Variants in IL1RAPL1 observed in about 807,000 individuals in gnomAD.
IL1RAPL1 encodes the protein interleukin-1 receptor accessory protein-like 1.
A neutral mutation model predicts 48.4 loss-of-function variants in IL1RAPL1; 3 were observed. The ratio of observed to expected loss-of-function variants is 0.06; its 90% CI spans 0.03 to 0.16. The LOEUF (loss-of-function observed/expected upper bound fraction) is 0.16. IL1RAPL1 is among the 10% of genes least tolerant of loss of function. The pLI, the probability that IL1RAPL1 is intolerant of heterozygous loss-of-function variation, is 1.00. For missense variants in IL1RAPL1, 349 were observed against 530.6 expected (o/e 0.66, Z 3.36); for synonymous variants, 185 against 187.7 (o/e 0.99, Z 0.12).
intron 6 of IL1RAPL1, among the ~76,000 whole-genome samples, chrX:29,829,785 G>A (rs1395136418): frequency 8.9e-6 from 1 of 111,908 alleles, no homozygotes; most frequent in African/African-American, 3.2e-5. Flanking sequence ...GAAAAATTTT[G>A]ATTGATAGTG....
At chrX:28,920,510 T>TGCA (rs1273131170) in intron 2 of IL1RAPL1, among the ~76,000 whole-genome samples, 1 of 111,624 alleles carries the variant, frequency 9.0e-6, no homozygotes, top group Non-Finnish European at 1.9e-5. Context: ...TGGTAGCATT[T>TGCA]GCAGCAGCAG....
intron 6 of IL1RAPL1, among the ~76,000 whole-genome samples, chrX:29,838,103 G>A (rs1931057246): frequency 9.0e-6 from 1 of 111,554 alleles, no homozygotes; most frequent in Admixed American, 9.5e-5. Context: ...CCTAAAGTCT[G>A]TTTGGGGTGA....
In IL1RAPL1 at chrX:29,282,915, CTCTG is replaced by C. The variant is rs1932225258; in HGVS notation, c.83-19_83-16del. 2 of 1,206,843 alleles carry C rather than the reference CTCTG, an allele frequency of 1.7e-6. No homozygotes were observed. The highest frequency in any genetic ancestry group is 2.2e-6 in the Non-Finnish European group (2 of 891,659). ...TGCCTCTAATGTTTTTCCTCTCTTT[CTCTG>C]TCTCTTTTTTTACGATAGCCGATGG... is the stretch of plus-strand genomic sequence containing the variant. On this transcript the variant is annotated intron_variant, in intron 2 of 10. Coordinates refer to ENST00000378993, the MANE Select transcript of IL1RAPL1 (RefSeq NM_014271.4).
At chrX:29,804,578 C>A (rs1025035962) in intron 6 of IL1RAPL1, among the ~76,000 whole-genome samples, 1 of 111,370 alleles carries the variant, frequency 9.0e-6, no homozygotes, top group African/African-American at 3.3e-5. Flanking sequence ...TGCTTGCTGC[C>A]CTGTAAGACA....
At chrX:29,365,029 GATATTTAT>G (rs1933432309) in intron 3 of IL1RAPL1, among the ~76,000 whole-genome samples, 2 of 112,083 alleles carry the variant, frequency 1.8e-5, no homozygotes, top group Admixed American at 1.9e-4. Context: ...GACTGAAAAA[GATATTTAT>G]ATTAATACAT....
At chrX:29,337,476 T>C (rs1422373336) in intron 3 of IL1RAPL1, among the ~76,000 whole-genome samples, 1 of 111,452 alleles carries the variant, frequency 9.0e-6, no homozygotes, top group Non-Finnish European at 1.9e-5. Flanking sequence ...CTAGCTAAAA[T>C]AGGCGTCTTG....
intron 5 of IL1RAPL1, among the ~76,000 whole-genome samples, chrX:29,579,576 C>T (rs1922893050): frequency 9.0e-6 from 1 of 111,628 alleles, no homozygotes; most frequent in Admixed American, 9.5e-5. Flanking sequence ...ACCATTTTTT[C>T]CCAAGGGCAA....
At chrX:29,885,054 A>AT (rs760557875) in intron 6 of IL1RAPL1, among the ~76,000 whole-genome samples, 1 of 111,424 alleles carries the variant, frequency 9.0e-6, no homozygotes, top group South Asian at 3.8e-4. Flanking sequence ...CCGTCTTAGC[A>AT]TGTCTCCTCC....
chrX:28,969,869 A>G (rs993244303), intron 2 of IL1RAPL1, among the ~76,000 whole-genome samples: 1 of 108,359 alleles, frequency 9.2e-6, no homozygotes, highest in Non-Finnish European at 1.9e-5. Context: ...AAACACATAT[A>G]TATATGTTTC....
At chrX:29,068,292 A>T (rs1447054590) in intron 2 of IL1RAPL1, among the ~76,000 whole-genome samples, 1 of 112,252 alleles carries the variant, frequency 8.9e-6, no homozygotes, top group African/African-American at 3.2e-5. Flanking sequence ...GTATTCATTG[A>T]GTAGCTTTTA....
At chrX:28,916,644 T>C (rs1327770934) in intron 2 of IL1RAPL1, among the ~76,000 whole-genome samples, 1 of 111,998 alleles carries the variant, frequency 8.9e-6, no homozygotes, top group Non-Finnish European at 1.9e-5. Context: ...TGGCCTGACT[T>C]GGGGAGTGAG....
At chrX:29,619,207 A>T (rs192189860) in intron 5 of IL1RAPL1, among the ~76,000 whole-genome samples, 84 of 112,010 alleles carry the variant, frequency 7.5e-4, no homozygotes, top group Non-Finnish European at 1.4e-3. Context: ...ACTGATATGC[A>T]ACTAGAGCTA....
At chrX:29,742,890 T>C (rs1232309143) in intron 6 of IL1RAPL1, among the ~76,000 whole-genome samples, 2 of 111,058 alleles carry the variant, frequency 1.8e-5, no homozygotes, top group Non-Finnish European at 1.9e-5. Context: ...TGGAGGAAGA[T>C]TAAAAGTCTA....
chrX:28,956,490 A>G (rs1274006381), intron 2 of IL1RAPL1, among the ~76,000 whole-genome samples: 1 of 110,008 alleles, frequency 9.1e-6, no homozygotes, highest in Non-Finnish European at 1.9e-5. Context: ...GAATTTTGTC[A>G]AAGGCCTTTT....
chrX:28,727,767 G>A (rs1399149217), intron 1 of IL1RAPL1, among the ~76,000 whole-genome samples: 1 of 110,771 alleles, frequency 9.0e-6, no homozygotes, highest in Non-Finnish European at 1.9e-5. Flanking sequence ...TTTGTCAAAG[G>A]CCTTTTCTGC....
intron 1 of IL1RAPL1, among the ~76,000 whole-genome samples, chrX:28,785,855 C>G (rs1936467517): frequency 8.9e-6 from 1 of 111,965 alleles, no homozygotes; most frequent in Non-Finnish European, 1.9e-5. Flanking sequence ...CTTTGTGTCC[C>G]CACTACATCA....
chrX:29,206,521 A>G (rs1163794363), intron 2 of IL1RAPL1, among the ~76,000 whole-genome samples: 2 of 111,755 alleles, frequency 1.8e-5, no homozygotes, highest in Non-Finnish European at 3.8e-5. Flanking sequence ...ATTGCATACA[A>G]TTCCAAACTC....
chrX:29,905,974 A>AG (rs1037359450), intron 6 of IL1RAPL1, among the ~76,000 whole-genome samples: 21 of 110,938 alleles, frequency 1.9e-4, no homozygotes, highest in Admixed American at 1.9e-4. Flanking sequence ...CCCAGGTTAT[A>AG]GGGGGGATAG....
chrX:28,677,795 C>T (rs917414720), intron 1 of IL1RAPL1, among the ~76,000 whole-genome samples: 1 of 110,820 alleles, frequency 9.0e-6, no homozygotes, highest in East Asian at 2.8e-4. Flanking sequence ...CCTGTATTGG[C>T]CAGGCTGGTC....
Sources: allele counts gnomAD v4.1 joint callset (sites outside exome capture counted in the v4.1 genomes callset), GRCh38; gene constraint gnomAD v4.1.1; transcripts MANE v1.5; gene names NCBI Gene and HGNC (gene_info 2026-07-23, HGNC 2026-07-21).